Variants in TEX9 observed in about 807,000 individuals in gnomAD.
The protein encoded by TEX9 is testis expressed 9, also known as testis-expressed protein 9.
TEX9 carries 74 observed loss-of-function variants against 59.6 expected under a neutral mutation model. The observed-to-expected ratio is 1.24, with a 90% CI of 1.03 to 1.51. The LOEUF is 1.51. TEX9 is among the 40% of genes most tolerant of loss of function. TEX9 has a pLI of 0.00. For missense variants in TEX9, 522 were observed against 447.8 expected (o/e 1.17, Z -1.49); for synonymous variants, 186 against 152.2 (o/e 1.22, Z -1.64).
chr15:56,426,599 A>G (rs1596239320), intron 10 of TEX9, among the ~76,000 whole-genome samples: 1 of 22,944 alleles, frequency 4.4e-5, no homozygotes, highest in Non-Finnish European at 7.7e-5. Flanking sequence ...GTATATATAT[A>G]TATATATATA....
intron 12 of TEX9, chr15:56,434,257 C>A: frequency 6.2e-7 from 1 of 1,613,932 alleles, no homozygotes. Context: ...TCATCCTCAG[C>A]AAATTTAGCT....
At chr15:56,381,325 G>C (rs1017333296) in intron 3 of TEX9, among the ~76,000 whole-genome samples, 4 of 151,998 alleles carry the variant, frequency 2.6e-5, no homozygotes, top group African/African-American at 9.7e-5. Flanking sequence ...GGGTTTCTTT[G>C]AGCTTTCTCA....
exon 2 of TEX9, chr15:56,365,622 A>T: frequency 6.2e-7 from 1 of 1,614,188 alleles, no homozygotes; most frequent in Non-Finnish European, 8.5e-7. Flanking sequence ...CCCGTTCAGC[A>T]ACCCTCTACA....
At chr15:56,294,988 G>A (rs776941676) in intron 1 of TEX9, among the ~76,000 whole-genome samples, 1 of 152,058 alleles carries the variant, frequency 6.6e-6, no homozygotes, top group African/African-American at 2.4e-5. Flanking sequence ...AGTAGTGAAG[G>A]CTGTATGTTT....
At chr15:56,377,402 A>T (rs1422082616) in intron 3 of TEX9, among the ~76,000 whole-genome samples, 1 of 151,998 alleles carries the variant, frequency 6.6e-6, no homozygotes, top group Non-Finnish European at 1.5e-5. Context: ...ATATCTTTCC[A>T]TTTTTTTGTG....
upstream of TEX9, among the ~76,000 whole-genome samples, chr15:56,365,000 C>T (rs1314257065): frequency 6.6e-6 from 1 of 152,128 alleles, no homozygotes; most frequent in East Asian, 1.9e-4. Context: ...ACTTGAGAGC[C>T]TGAGTCTTAG....
At chr15:56,378,251 T>C (rs1342552976) in intron 3 of TEX9, among the ~76,000 whole-genome samples, 5 of 152,194 alleles carry the variant, frequency 3.3e-5, no homozygotes, top group Non-Finnish European at 7.4e-5. Context: ...TTTGGAAGTA[T>C]TCCCTCCTCC....
rs116654030 is a variant in TEX9 at position 56,334,368 on chromosome 15, A to C, written c.-106-39073A>C. On this transcript the variant is annotated intron_variant, in intron 1 of 5. Transcript: ENST00000560827. ...GAAATAAGTCTGTACACCTACAGTG[A>C]ACTCATTTTTGACAAAAGTGCCAAG... Among the ~76,000 whole-genome samples, 377 of 152,332 alleles carry C rather than the reference A, an allele frequency of 2.5e-3. 1 individual carries two copies. Among genetic ancestry groups the C allele is most frequent in the African/African-American group, 8.8e-3 (366 of 41,576 alleles).
intron 12 of TEX9, among the ~76,000 whole-genome samples, chr15:56,442,883 C>T (rs2050842686): frequency 6.6e-6 from 1 of 151,502 alleles, no homozygotes; most frequent in Non-Finnish European, 1.5e-5. Context: ...CCTCCTGAAC[C>T]TAAAGTAAAA....
At chr15:56,313,935 G>A (rs774151107) in intron 1 of TEX9, among the ~76,000 whole-genome samples, 508 of 129,328 alleles carry the variant, frequency 3.9e-3, no homozygotes, top group Middle Eastern at 7.5e-3. Flanking sequence ...GTTTATTTGC[G>A]TAGAGGTGTT....
chr15:56,280,816 A>C (rs1160298277), intron 1 of TEX9, among the ~76,000 whole-genome samples: 1 of 152,196 alleles, frequency 6.6e-6, no homozygotes, highest in African/African-American at 2.4e-5. Flanking sequence ...ACTGAGTATT[A>C]ATTAGAAAAA....
chr15:56,302,827 T>C (rs2045394192), intron 1 of TEX9, among the ~76,000 whole-genome samples: 1 of 152,158 alleles, frequency 6.6e-6, no homozygotes, highest in African/African-American at 2.4e-5. Context: ...ACACTTCACC[T>C]ATAAAGACAC....
chr15:56,457,324 C>T, the TEX9 span, among the ~76,000 whole-genome samples: 1 of 152,124 alleles, frequency 6.6e-6, no homozygotes, highest in East Asian at 1.9e-4. Flanking sequence ...CTAATAAAAA[C>T]ACATGAAAAG....
intron 1 of TEX9, among the ~76,000 whole-genome samples, chr15:56,326,739 C>A (rs1478894984): frequency 6.6e-6 from 1 of 152,146 alleles, no homozygotes; most frequent in Non-Finnish European, 1.5e-5. Context: ...ATAAATACCT[C>A]AGAATTACGC....
chr15:56,255,758 G>T (rs2044131530), intron 1 of TEX9, among the ~76,000 whole-genome samples: 1 of 151,962 alleles, frequency 6.6e-6, no homozygotes, highest in African/African-American at 2.4e-5. Flanking sequence ...AGAAATATAA[G>T]TAGGAATGAA....
intron 1 of TEX9, among the ~76,000 whole-genome samples, chr15:56,260,809 T>C (rs1433854456): frequency 6.6e-6 from 1 of 152,022 alleles, no homozygotes; most frequent in East Asian, 1.9e-4. Flanking sequence ...AAAGAGGTTA[T>C]GTAGGATTGA....
At position 56,263,327 on chromosome 15, in the gene TEX9, G is replaced by A. The variant is rs138549545; in HGVS notation, c.-107+19049G>A. 2.5e-3 allele frequency among the ~76,000 whole-genome samples: 375 copies of A among 152,124 alleles called. 3 individuals carry two copies. The highest frequency in any genetic ancestry group is 8.6e-3 in the African/African-American group (358 of 41,518). On this transcript the variant is annotated intron_variant, in intron 1 of 5. Coordinates refer to the TEX9 transcript ENST00000560827. ...CGTGAGCCACCGTGCCTGGCCACGG[G>A]TTGTTTTTTTAAAATACAGTCTGAA...
At chr15:56,337,805 A>G (rs1329233155) in intron 1 of TEX9, among the ~76,000 whole-genome samples, 1 of 152,242 alleles carries the variant, frequency 6.6e-6, no homozygotes. Context: ...TTTTCTTCCT[A>G]TATAAGCAAG....
At chr15:56,366,228 G>A (rs2046937181) in intron 2 of TEX9, among the ~76,000 whole-genome samples, 1 of 152,196 alleles carries the variant, frequency 6.6e-6, no homozygotes, top group African/African-American at 2.4e-5. Flanking sequence ...ACAGCAGCCA[G>A]TGTAATCTTT....
Sources: gnomAD v4.1 joint callset for allele counts (sites outside exome capture counted in the v4.1 genomes callset) on GRCh38, gnomAD v4.1.1 for gene constraint, MANE v1.5 for transcripts, NCBI Gene and HGNC (gene_info 2026-07-23, HGNC 2026-07-21) for gene names.